The following STAT5B variants were observed in gnomAD, a reference collection of about 807,000 sequenced individuals.
STAT5B encodes signal transducer and activator of transcription 5B, also known as transcription factor STAT5B.
STAT5B carries 21 observed loss-of-function variants against 107.8 expected under a neutral mutation model. The observed-to-expected ratio is 0.19, with a 90% CI of 0.14 to 0.28. STAT5B has a LOEUF of 0.28. STAT5B is among the 10% of genes least tolerant of loss of function. The pLI is 1.00. For synonymous variants in STAT5B, 325 were observed against 401.7 expected (o/e 0.81, Z 2.28); for missense variants, 565 against 1,008.2 (o/e 0.56, Z 5.95).
chr17:42,263,031 ATTTTTTT>A (rs373970830), intron 1 of STAT5B, among the ~76,000 whole-genome samples: 1 of 88,258 alleles, frequency 1.1e-5, no homozygotes, highest in Non-Finnish European at 2.2e-5. Flanking sequence ...AACAAAAACA[ATTTTTTT>A]TTTTTTTTAA....
At chr17:42,264,184 C>G (rs572588354) in intron 1 of STAT5B, among the ~76,000 whole-genome samples, 2 of 151,884 alleles carry the variant, frequency 1.3e-5, no homozygotes, top group East Asian at 1.9e-4. Context: ...AGTAACACTC[C>G]TTTTGTACAA....
rs182621283 is a variant in STAT5B, at chr17:42,239,996, C to T, written c.-10-7859G>A. Reference sequence around the variant, plus strand: ...AAAAAAGAAAAAAATGAGCCGGGCACGGTGGCGGGTGCCTGTAATCCCAGC... The same window carrying T: ...AAAAAAGAAAAAAATGAGCCGGGCATGGTGGCGGGTGCCTGTAATCCCAGC... On this transcript the variant is annotated intron_variant, in intron 1 of 18. Coordinates refer to ENST00000293328, the MANE Select transcript of STAT5B (RefSeq NM_012448.4). Among the ~76,000 whole-genome samples the T allele has an allele frequency of 1.6e-3, 242 of 152,206 alleles. 1 individual carries two copies. The highest frequency in any genetic ancestry group is 2.6e-3 in the Non-Finnish European group (177 of 68,012).
At chr17:42,216,134 G>A (rs767078543) in intron 11 of STAT5B, 28 bp from the exon 12 acceptor site, 11 of 1,588,696 alleles carry the variant, frequency 6.9e-6, no homozygotes, top group East Asian at 4.5e-5. Flanking sequence ...AAGGCTGAGC[G>A]CCCACGAGCC....
intron 1 of STAT5B, among the ~76,000 whole-genome samples, chr17:42,260,379 A>T (rs1042903540): frequency 1.3e-5 from 2 of 152,186 alleles, no homozygotes; most frequent in East Asian, 1.9e-4. Flanking sequence ...AAGGAATGTA[A>T]AATATCTCAG....
intron 1 of STAT5B, among the ~76,000 whole-genome samples, chr17:42,267,423 T>A (rs2080682888): frequency 6.6e-6 from 1 of 152,214 alleles, no homozygotes. Flanking sequence ...TGCAAGACAG[T>A]GATACTGATG....
chr17:42,210,662 G>A (rs2080120896), intron 13 of STAT5B, 165 bp from the exon 14 acceptor site: 4 of 691,702 alleles, frequency 5.8e-6, no homozygotes, highest in Non-Finnish European at 7.6e-6. Flanking sequence ...CCATGGAGAG[G>A]AAAAGAGGGA....
chr17:42,223,590 C>A lies in STAT5B; in HGVS notation c.376-34G>T, dbSNP rs182056711. The A allele has an allele frequency of 8.7e-6, 14 of 1,609,992 alleles. No individual in the cohort carries two copies. In the East Asian group the frequency reaches 1.8e-4, roughly 21 times the overall value. On this transcript the variant is annotated intron_variant, in intron 4 of 18. Transcript: ENST00000293328. ...ATATGGGGGGCAGTGCAAGGCAGTGCGAATGGGAGGAAGACTGAGGCCTTA... is the reference window on the plus strand; with the variant it reads ...ATATGGGGGGCAGTGCAAGGCAGTGAGAATGGGAGGAAGACTGAGGCCTTA...
intron 1 of STAT5B, among the ~76,000 whole-genome samples, chr17:42,260,995 C>T (rs1235432998): frequency 6.6e-6 from 1 of 151,026 alleles, no homozygotes; most frequent in Non-Finnish European, 1.5e-5. Flanking sequence ...CAGCTCACTG[C>T]AACATCTGCC....
chr17:42,215,144 T>C (rs1598300593), intron 12 of STAT5B, among the ~76,000 whole-genome samples: 1 of 152,318 alleles, frequency 6.6e-6, no homozygotes, highest in East Asian at 1.9e-4. Context: ...TGAGGCAAAG[T>C]ATCTCATTCT....
At chr17:42,226,477 GTAT>G (rs1159410984) in intron 3 of STAT5B, among the ~76,000 whole-genome samples, 1 of 152,068 alleles carries the variant, frequency 6.6e-6, no homozygotes, top group Non-Finnish European at 1.5e-5. Context: ...GTTGATCAGT[GTAT>G]TATAACCATG....
chr17:42,265,746 A>G (rs780970722), intron 1 of STAT5B, among the ~76,000 whole-genome samples: 1 of 152,200 alleles, frequency 6.6e-6, no homozygotes, highest in African/African-American at 2.4e-5. Flanking sequence ...TGAAAGTGCC[A>G]GTTTCCCACA....
chr17:42,217,689 C>CTTTT, intron 9 of STAT5B: 2 of 438,792 alleles, frequency 4.6e-6, no homozygotes, highest in Admixed American at 3.6e-5. Context: ...CCTAAGAGAA[C>CTTTT]TTTTTTTTTT....
the STAT5B span, among the ~76,000 whole-genome samples, chr17:42,283,398 A>C: frequency 6.5e-4 from 99 of 152,256 alleles, no homozygotes; most frequent in African/African-American, 2.3e-3. Flanking sequence ...GGGAAATGTG[A>C]ACCTGGCACA....
At chr17:42,270,323 G>A (rs16967620) in intron 1 of STAT5B, among the ~76,000 whole-genome samples, 2 of 151,854 alleles carry the variant, frequency 1.3e-5, no homozygotes. Context: ...AGAAATCCCC[G>A]CAAAATAAAG....
chr17:42,253,970 G>A (rs2080521017), intron 1 of STAT5B, among the ~76,000 whole-genome samples: 1 of 152,114 alleles, frequency 6.6e-6, no homozygotes, highest in South Asian at 2.1e-4. Flanking sequence ...AAACTCTGAT[G>A]GTTCCGAATC....
intron 1 of STAT5B, among the ~76,000 whole-genome samples, chr17:42,245,804 G>A (rs577777961): frequency 5.9e-5 from 9 of 152,166 alleles, no homozygotes; most frequent in Admixed American, 3.9e-4. Context: ...AATTACAGGC[G>A]TGAGCCACCC....
intron 12 of STAT5B, chr17:42,214,214 C>T (rs1026355042): frequency 1.0e-6 from 1 of 984,622 alleles, no homozygotes; most frequent in South Asian, 4.7e-5. Flanking sequence ...GTTAAAAATG[C>T]TTATTTATTT....
In STAT5B at chr17:42,202,405, C is replaced by G. The variant is rs774739413; in HGVS notation, c.2172G>C (p.Thr724=). ...ASADAGGGSA[T]YMDQAPSPAV... ...CTGGGGAGGGGGCCTGGTCCATGTACGTGGCGCTGCCGCCCCCGGCATCTG... is the reference window on the plus strand; with the variant it reads ...CTGGGGAGGGGGCCTGGTCCATGTAGGTGGCGCTGCCGCCCCCGGCATCTG... Residue 724 remains threonine, a synonymous_variant, in exon 18 of 19, where the codon ACG becomes ACC. Coordinates refer to ENST00000293328, the MANE Select transcript of STAT5B (RefSeq NM_012448.4). 6.2e-7 allele frequency: 1 copy of G among 1,614,120 alleles called. No homozygotes were observed. The highest frequency in any genetic ancestry group is 8.5e-7 in the Non-Finnish European group (1 of 1,180,042).
chr17:42,222,909 C>T (rs562952260), intron 5 of STAT5B, among the ~76,000 whole-genome samples: 2 of 151,594 alleles, frequency 1.3e-5, no homozygotes, highest in African/African-American at 4.8e-5. Context: ...GTCTCGAACT[C>T]CTGACCTCAG....
Sources: gnomAD v4.1 joint callset for allele counts (sites outside exome capture counted in the v4.1 genomes callset) on GRCh38, gnomAD v4.1.1 for gene constraint, MANE v1.5 for transcripts, NCBI Gene and HGNC (gene_info 2026-07-23, HGNC 2026-07-21) for gene names.